CDK6: variants seen among roughly 807,000 people sequenced by gnomAD.
The protein encoded by CDK6 is cyclin-dependent kinase 6.
A neutral mutation model predicts 37.1 loss-of-function variants in CDK6; 6 were observed. The observed-to-expected ratio is 0.16, with a 90% confidence interval of 0.09 to 0.32. CDK6 has a LOEUF of 0.32. Among genes scored for constraint, CDK6 ranks in the 10% least tolerant of loss-of-function variants. The probability of loss-of-function intolerance (pLI) is 1.00; values close to 1 mark genes in which losing one functional copy is unlikely to be tolerated. For missense variants in CDK6, 224 were observed against 418.9 expected (o/e 0.53, Z 4.06); for synonymous variants, 160 against 161.3 (o/e 0.99, Z 0.06).
At chr7:92,645,477 C>T (rs1345097456) in intron 5 of CDK6, among the ~76,000 whole-genome samples, 1 of 152,232 alleles carries the variant, frequency 6.6e-6, no homozygotes, top group East Asian at 1.9e-4. Context: ...GCTGAGTGCA[C>T]ATGATAATAA....
At position 92,709,511 on chromosome 7, in the gene CDK6, G is replaced by A. The variant is rs1046231477; in HGVS notation, c.537+16115C>T. Among the ~76,000 whole-genome samples the A allele has an allele frequency of 2.6e-5, 4 of 151,654 alleles. 1 individual carries two copies. Among genetic ancestry groups the A allele is most frequent in the Admixed American group, 2.6e-4 (4 of 15,204 alleles). On this transcript the variant is annotated intron_variant, in intron 4 of 7. Coordinates refer to ENST00000424848, the MANE Select transcript of CDK6 (RefSeq NM_001145306.2). ...TATCTGGCTAGGTAAGAGTTGTAGA[G>A]GCAACTTCAGATTTACATATACATA...
At chr7:92,740,573 G>A (rs377689084) in intron 3 of CDK6, among the ~76,000 whole-genome samples, 2 of 152,088 alleles carry the variant, frequency 1.3e-5, no homozygotes, top group South Asian at 4.1e-4. Context: ...ATGGGGGTGG[G>A]ATGAGAAAAA....
At chr7:92,779,587 G>A (rs1799935839) in intron 2 of CDK6, among the ~76,000 whole-genome samples, 1 of 152,106 alleles carries the variant, frequency 6.6e-6, no homozygotes, top group Non-Finnish European at 1.5e-5. Flanking sequence ...ATTCACAAAG[G>A]GCATCAAGGG....
intron 2 of CDK6, among the ~76,000 whole-genome samples, chr7:92,807,457 TCTC>T (rs772914685): frequency 1.1e-3 from 171 of 151,890 alleles, no homozygotes; most frequent in Non-Finnish European, 2.0e-3. Context: ...TAGATACACA[TCTC>T]CTTATAAATA....
Position 92,610,790 on chromosome 7 carries a change from T to G in CDK6, c.*4350A>C, listed in dbSNP as rs1795546238. ...TAATTATATACCCAAATATACTTAA[T>G]GGACATGATAAATGGTTTTGGGTAA... On this transcript the variant is annotated 3_prime_UTR_variant, in exon 8 of 8. Coordinates refer to ENST00000424848, the MANE Select transcript of CDK6 (RefSeq NM_001145306.2). 1 of 228,186 alleles carries G rather than the reference T, an allele frequency of 4.4e-6. No homozygotes were observed. The highest frequency in any genetic ancestry group is 5.7e-5 in the Admixed American group (1 of 17,642). The allele number at this position is 228,186 out of a possible 1,614,324, so 14.1% of individuals were successfully genotyped here. A position where few individuals can be genotyped will look rare whatever the true frequency, so the allele number is the denominator to read the frequency against.
chr7:92,625,484 GATTA>G (rs1184232081), intron 5 of CDK6, among the ~76,000 whole-genome samples: 2 of 149,002 alleles, frequency 1.3e-5, no homozygotes, highest in African/African-American at 2.5e-5. Context: ...TTTCAATAAG[GATTA>G]ATTAATTCTG....
At chr7:92,827,896 AAC>A (rs1435343756) in intron 2 of CDK6, among the ~76,000 whole-genome samples, 1 of 152,192 alleles carries the variant, frequency 6.6e-6, no homozygotes, top group Non-Finnish European at 1.5e-5. Context: ...AGGCATGGAA[AAC>A]ACATATTTGC....
chr7:92,768,778 T>C (rs996443512), intron 3 of CDK6, among the ~76,000 whole-genome samples: 1 of 152,204 alleles, frequency 6.6e-6, no homozygotes, highest in Non-Finnish European at 1.5e-5. Flanking sequence ...CGACAGGGCA[T>C]TCAAGCCTGC....
intron 5 of CDK6, among the ~76,000 whole-genome samples, chr7:92,646,206 C>T (rs1481975980): frequency 1.3e-5 from 2 of 152,130 alleles, no homozygotes; most frequent in Admixed American, 6.5e-5. Flanking sequence ...AAAATCTGTA[C>T]CATGTGGCTC....
rs2116031806 is a variant in CDK6 at position 92,833,127 on chromosome 7, C to T, written c.197G>A (p.Arg66Lys). Residue 66 changes from arginine (R) to lysine (K), a missense_variant, in exon 2 of 8, where the codon AGG becomes AAG. By Grantham distance (26) the Arg-to-Lys change is conservative. This residue lies in a region of CDK6 where 82 missense variants were observed against 202.1 expected (regional missense o/e 0.41). Coordinates refer to ENST00000424848, the MANE Select transcript of CDK6 (RefSeq NM_001145306.2). This position sits in a 1 kb window ranked among gnomAD's most constrained non-coding sequence, Gnocchi z 6.1. ...LSTIREVAVL[R>K]HLETFEHPNV... is the part of the protein sequence containing the mutation. ...GGGGTGCTCGAAGGTCTCCAGGTGC[C>T]TCAGCACCGCCACCTCGCGGATGGT... The T allele has an allele frequency of 6.2e-7, 1 of 1,606,862 alleles. No individual in the cohort carries two copies. Among genetic ancestry groups the T allele is most frequent in the African/African-American group, 1.3e-5 (1 of 74,936 alleles).
At chr7:92,810,789 T>C (rs1366935585) in intron 2 of CDK6, among the ~76,000 whole-genome samples, 2 of 152,168 alleles carry the variant, frequency 1.3e-5, no homozygotes, top group Non-Finnish European at 2.9e-5. Flanking sequence ...AAAGCAATTA[T>C]AGGCCGGGTG....
At chr7:92,675,697 CTCA>C (rs1287073438) in intron 4 of CDK6, among the ~76,000 whole-genome samples, 2 of 152,166 alleles carry the variant, frequency 1.3e-5, no homozygotes, top group African/African-American at 4.8e-5. Context: ...AACAATCTCG[CTCA>C]TAGAGCTGTC....
chr7:92,823,131 T>C (rs960163778), intron 2 of CDK6, among the ~76,000 whole-genome samples: 1 of 151,766 alleles, frequency 6.6e-6, no homozygotes, highest in Non-Finnish European at 1.5e-5. Flanking sequence ...CCATCTTTCC[T>C]AAACAAAGAT....
At chr7:92,719,700 T>C (rs992810588) in intron 4 of CDK6, among the ~76,000 whole-genome samples, 3 of 152,154 alleles carry the variant, frequency 2.0e-5, no homozygotes, top group African/African-American at 7.2e-5. Context: ...ACTTCATGAA[T>C]AGCATTAAAT....
At chr7:92,716,135 T>A (rs1039282686) in intron 4 of CDK6, among the ~76,000 whole-genome samples, 17 of 152,260 alleles carry the variant, frequency 1.1e-4, no homozygotes, top group Middle Eastern at 6.8e-3. Flanking sequence ...ATTAAAAAAA[T>A]TTTTTTGGAT....
intron 3 of CDK6, among the ~76,000 whole-genome samples, chr7:92,749,377 T>C (rs543028682): frequency 3.3e-5 from 5 of 152,178 alleles, no homozygotes; most frequent in Non-Finnish European, 5.9e-5. Flanking sequence ...CTTGGGAGGA[T>C]TGCTTCAGCC....
intron 4 of CDK6, 194 bp downstream of exon 4, chr7:92,725,432 G>A: frequency 1.4e-6 from 1 of 723,170 alleles, no homozygotes; most frequent in Middle Eastern, 7.2e-4. Flanking sequence ...TCCACAACAA[G>A]CCCAGGCTGG....
intron 3 of CDK6, among the ~76,000 whole-genome samples, chr7:92,769,514 C>T (rs1473079319): frequency 6.6e-6 from 1 of 152,016 alleles, no homozygotes; most frequent in African/African-American, 2.4e-5. Context: ...TTTTATCAAA[C>T]ATGTTTCATG....
chr7:92,660,796 G>T (rs1317711847), intron 5 of CDK6, among the ~76,000 whole-genome samples: 1 of 152,142 alleles, frequency 6.6e-6, no homozygotes, highest in Non-Finnish European at 1.5e-5. Flanking sequence ...GGGGCTGCGG[G>T]ATGAGGGTTC....
Sources: gnomAD v4.1 joint callset for allele counts (sites outside exome capture counted in the v4.1 genomes callset) on GRCh38, gnomAD v4.1.1 for gene constraint, gnomAD v4.1.1 regional missense constraint, Gnocchi (gnomAD v3.1) non-coding constraint, MANE v1.5 for transcripts, NCBI Gene and HGNC (gene_info 2026-07-23, HGNC 2026-07-21) for gene names.